Variants in FBXO36 observed in about 807,000 individuals in gnomAD.
FBXO36 encodes the protein F-box only protein 36.
Under a neutral mutation model 17.0 loss-of-function variants are expected in FBXO36, and 18 were observed. That is an observed-to-expected ratio of 1.06 (90% CI 0.73 to 1.57). The LOEUF (loss-of-function observed/expected upper bound fraction) is 1.57. Ranked by LOEUF, FBXO36 falls within the 40% of genes most tolerant of loss-of-function variation. The probability of loss-of-function intolerance (pLI) is 0.00; values close to 1 mark genes in which losing one functional copy is unlikely to be tolerated. For missense variants in FBXO36, 229 were observed against 221.9 expected, an observed-to-expected ratio of 1.03 and a Z score of -0.20; for synonymous variants, 83 against 85.3, an observed-to-expected ratio of 0.97 and a Z score of 0.15.
chr2:229,948,804 A>G (rs2077040344), intron 1 of FBXO36, among the ~76,000 whole-genome samples: 1 of 152,094 alleles, frequency 6.6e-6, no homozygotes, highest in African/African-American at 2.4e-5. Flanking sequence ...TGGGTTATGG[A>G]CTGCCTACTG....
intron 1 of FBXO36, among the ~76,000 whole-genome samples, chr2:229,953,275 GTTGCAGTGAGCGGAGA>G (rs2077067043): frequency 1.3e-5 from 2 of 152,068 alleles, no homozygotes; most frequent in African/African-American, 2.4e-5. Context: ...GGAGGCGGAG[GTTGCAGTGAGCGGAGA>G]TTGCGCCATT....
intron 2 of FBXO36, among the ~76,000 whole-genome samples, chr2:229,992,692 C>T (rs879625727): frequency 9.2e-5 from 14 of 152,152 alleles, no homozygotes; most frequent in Admixed American, 2.0e-4. Context: ...TATCCCAAAA[C>T]GTAATGACTT....
intron 1 of FBXO36, among the ~76,000 whole-genome samples, chr2:229,953,868 C>CT (rs917768476): frequency 1.8e-4 from 27 of 151,084 alleles, no homozygotes; most frequent in East Asian, 5.8e-4. Context: ...GTAATTATTT[C>CT]TTTTTTTTTA....
intron 3 of FBXO36, among the ~76,000 whole-genome samples, chr2:230,002,455 C>T (rs1306429021): frequency 6.6e-6 from 1 of 151,848 alleles, no homozygotes; most frequent in African/African-American, 2.4e-5. Flanking sequence ...ATGATTACAG[C>T]TCACTGCAAC....
intron 1 of FBXO36, among the ~76,000 whole-genome samples, chr2:229,958,427 C>T (rs769363946): frequency 2.6e-4 from 39 of 152,052 alleles, no homozygotes; most frequent in South Asian, 4.2e-4. Context: ...CCCGCCACGG[C>T]GCCCGGCTAA....
intron 1 of FBXO36, among the ~76,000 whole-genome samples, chr2:229,966,024 ATT>A (rs1324587523): frequency 6.6e-6 from 1 of 152,062 alleles, no homozygotes; most frequent in Non-Finnish European, 1.5e-5. Flanking sequence ...ATTTCTCCAC[ATT>A]GTCTCCAGCA....
At chr2:229,999,318 G>T (rs912574068) in intron 3 of FBXO36, among the ~76,000 whole-genome samples, 5 of 150,440 alleles carry the variant, frequency 3.3e-5, no homozygotes, top group African/African-American at 1.2e-4. Flanking sequence ...GTACAGACGG[G>T]GTTTCCCCGT....
At chr2:229,946,465 A>T (rs1455876128) in intron 1 of FBXO36, among the ~76,000 whole-genome samples, 1 of 152,212 alleles carries the variant, frequency 6.6e-6, no homozygotes, top group African/African-American at 2.4e-5. Context: ...GAGTTTGAGG[A>T]GAAAGCTTAG....
intron 1 of FBXO36, among the ~76,000 whole-genome samples, chr2:229,956,798 G>C (rs1338911117): frequency 2.6e-5 from 4 of 152,166 alleles, no homozygotes; most frequent in African/African-American, 4.8e-5. Context: ...AAAGGTCAAA[G>C]AGACTAGTTC....
chr2:229,984,651 G>A (rs139198359), intron 2 of FBXO36, among the ~76,000 whole-genome samples: 10,528 of 152,056 alleles, frequency 0.069, 485 homozygotes, highest in Non-Finnish European at 0.11. Flanking sequence ...GCCTCCCAAA[G>A]TGCTGGGATT....
At chr2:229,995,811 C>T (rs1277443055) in intron 2 of FBXO36, among the ~76,000 whole-genome samples, 1 of 151,724 alleles carries the variant, frequency 6.6e-6, no homozygotes, top group Non-Finnish European at 1.5e-5. Context: ...AGGCGGGTCT[C>T]GAACTCCCAA....
chr2:229,931,319 G>T (rs1318129952), intron 1 of FBXO36, among the ~76,000 whole-genome samples: 2 of 152,000 alleles, frequency 1.3e-5, no homozygotes, highest in East Asian at 3.9e-4. Context: ...GCTCAATCTG[G>T]GCAGTTAATT....
chr2:229,975,390 G>A (rs1397237039), intron 1 of FBXO36, among the ~76,000 whole-genome samples: 1 of 152,000 alleles, frequency 6.6e-6, no homozygotes, highest in Non-Finnish European at 1.5e-5. Flanking sequence ...CCAAATTATG[G>A]AATGTTTATT....
intron 2 of FBXO36, among the ~76,000 whole-genome samples, chr2:229,980,648 A>G (rs1364980175): frequency 6.6e-6 from 1 of 151,712 alleles, no homozygotes; most frequent in Non-Finnish European, 1.5e-5. Context: ...GGGGGAGGGG[A>G]TTCACTTCAG....
intron 3 of FBXO36, among the ~76,000 whole-genome samples, chr2:230,006,876 G>A (rs750772491): frequency 3.9e-5 from 6 of 152,352 alleles, no homozygotes; most frequent in Middle Eastern, 3.4e-3. Context: ...TAGGGACTCT[G>A]TGAAAGGCAC....
At chr2:229,954,772 C>T (rs1279275005) in intron 1 of FBXO36, among the ~76,000 whole-genome samples, 1 of 150,972 alleles carries the variant, frequency 6.6e-6, no homozygotes, top group East Asian at 1.9e-4. Context: ...TGGACTCAAT[C>T]TCCTGACCTC....
At chr2:229,928,315 A>T (rs996787592) in intron 1 of FBXO36, among the ~76,000 whole-genome samples, 6 of 152,326 alleles carry the variant, frequency 3.9e-5, no homozygotes, top group Admixed American at 1.3e-4. Flanking sequence ...CTACTTTTTT[A>T]AAAAAGTGTT....
At position 229,974,055 on chromosome 2, in the gene FBXO36, C is replaced by T. The variant is rs182747091; in HGVS notation, c.97-2186C>T. 8.6e-5 allele frequency among the ~76,000 whole-genome samples: 13 copies of T among 152,020 alleles called. No individual in the cohort carries two copies. The East Asian group carries it at 2.5e-3, about 29-fold the overall frequency. ...ACAGAACAAGACCCCGTTTCAAAAACAAAAAGGAAGAAGAAAATAGCTATT... is the reference window on the plus strand; with the variant it reads ...ACAGAACAAGACCCCGTTTCAAAAATAAAAAGGAAGAAGAAAATAGCTATT... On this transcript the variant is annotated intron_variant, in intron 1 of 3. Transcript: ENST00000283946.
intron 2 of FBXO36, among the ~76,000 whole-genome samples, chr2:229,988,800 T>C (rs2077282378): frequency 6.6e-6 from 1 of 151,454 alleles, no homozygotes; most frequent in South Asian, 2.1e-4. Flanking sequence ...AGTGCTGGGA[T>C]TATAGGCGTG....
Sources: gnomAD v4.1 joint callset for allele counts (sites outside exome capture counted in the v4.1 genomes callset) on GRCh38, gnomAD v4.1.1 for gene constraint, MANE v1.5 for transcripts, NCBI Gene and HGNC (gene_info 2026-07-23, HGNC 2026-07-21) for gene names.